Variants in DMTF1 observed in about 807,000 individuals in gnomAD.
DMTF1 encodes the protein cyclin-D-binding Myb-like transcription factor 1.
DMTF1 carries 39 observed loss-of-function variants against 91.1 expected under a neutral mutation model. The ratio of observed to expected loss-of-function variants is 0.43; its 90% CI spans 0.33 to 0.56. DMTF1 has a LOEUF of 0.56. DMTF1 is among the 20% of genes least tolerant of loss of function. The pLI is 0.05. For synonymous variants in DMTF1, 338 were observed against 309.5 expected (o/e 1.09, Z -0.97); for missense variants, 750 against 914.5 (o/e 0.82, Z 2.32).
At chr7:87,156,122 T>C (rs1177697724) in intron 1 of DMTF1, among the ~76,000 whole-genome samples, 1 of 152,190 alleles carries the variant, frequency 6.6e-6, no homozygotes, top group Non-Finnish European at 1.5e-5. Context: ...AGAAAAGTAC[T>C]CAGTTTTGAA....
At chr7:87,162,110 T>C (rs1302873138) in intron 1 of DMTF1, among the ~76,000 whole-genome samples, 1 of 152,208 alleles carries the variant, frequency 6.6e-6, no homozygotes. Context: ...TATTTTTTGC[T>C]TTTCTATTTT....
intron 11 of DMTF1, among the ~76,000 whole-genome samples, chr7:87,185,304 A>AT (rs1162144695): frequency 6.6e-6 from 1 of 152,048 alleles, no homozygotes; most frequent in Non-Finnish European, 1.5e-5. Flanking sequence ...AAACGAACAG[A>AT]TTTTTTTAAA....
chr7:87,176,744 A>T (rs574388722), intron 7 of DMTF1, among the ~76,000 whole-genome samples: 3 of 152,312 alleles, frequency 2.0e-5, no homozygotes, highest in South Asian at 4.1e-4. Flanking sequence ...CCAAAAGATT[A>T]TTTTGGAAAA....
At chr7:87,170,488 C>T (rs1366386351) in intron 4 of DMTF1, among the ~76,000 whole-genome samples, 4 of 152,208 alleles carry the variant, frequency 2.6e-5, no homozygotes, top group Non-Finnish European at 5.9e-5. Flanking sequence ...TTGCTATTCT[C>T]GTGAACACTC....
intron 2 of DMTF1, among the ~76,000 whole-genome samples, chr7:87,164,036 C>T (rs890918447): frequency 1.7e-5 from 1 of 57,470 alleles, no homozygotes; most frequent in Non-Finnish European, 3.2e-5. Flanking sequence ...GCCTGGGCAA[C>T]AATGAAGACG....
At chr7:87,185,746 C>T in intron 11 of DMTF1, 83 bp from the exon 12 acceptor site, 3 of 1,459,880 alleles carry the variant, frequency 2.1e-6, no homozygotes, top group Non-Finnish European at 2.9e-6. Context: ...CTTTATTTGC[C>T]AGTGCAATTA....
intron 9 of DMTF1, chr7:87,181,907 G>C: frequency 4.0e-6 from 3 of 757,888 alleles, no homozygotes; most frequent in Non-Finnish European, 3.9e-6. Context: ...TTGGGTATAT[G>C]CTCAAAAGGG....
intron 15 of DMTF1, 99 bp downstream of exon 15, chr7:87,193,452 T>G: frequency 1.6e-6 from 2 of 1,244,506 alleles, no homozygotes; most frequent in Non-Finnish European, 1.1e-6. Flanking sequence ...CAGTTCTTCC[T>G]ACTGCTGCTG....
intron 1 of DMTF1, chr7:87,154,254 T>G (rs1295402040): frequency 6.6e-6 from 1 of 152,248 alleles, no homozygotes; most frequent in Non-Finnish European, 1.5e-5. Flanking sequence ...CCTGATTGTA[T>G]CTGGAAAAAA....
intron 11 of DMTF1, chr7:87,185,010 C>A: frequency 2.5e-6 from 1 of 394,554 alleles, no homozygotes. Context: ...GCCCTTCAAT[C>A]CTTGGCTACT....
At chr7:87,155,384 A>G (rs973092472) in intron 1 of DMTF1, 2 of 151,938 alleles carry the variant, frequency 1.3e-5, no homozygotes, top group African/African-American at 4.8e-5. Context: ...TTTTCTTACC[A>G]CCATCATATT....
At chr7:87,160,946 A>C (rs924234738) in intron 1 of DMTF1, among the ~76,000 whole-genome samples, 1 of 152,130 alleles carries the variant, frequency 6.6e-6, no homozygotes, top group East Asian at 1.9e-4. Flanking sequence ...TATGCCAGTA[A>C]GATTTATAGG....
intron 7 of DMTF1, among the ~76,000 whole-genome samples, chr7:87,175,019 TTTTTG>T (rs1192611207): frequency 6.6e-6 from 1 of 150,614 alleles, no homozygotes; most frequent in Admixed American, 6.6e-5. Context: ...TTTTGTTTTG[TTTTTG>T]TTTTTTTTTT....
chr7:87,194,012 T>C lies in DMTF1; in HGVS notation c.1938T>C (p.Ser646=), dbSNP rs761918361. 1.5e-5 allele frequency: 25 copies of C among 1,613,308 alleles called. No homozygotes were observed. Among genetic ancestry groups the C allele is most frequent in the Non-Finnish European group, 2.1e-5 (25 of 1,179,554 alleles). The change falls in exon 16 of 18, where the codon AGT becomes AGC. Residue 646 remains serine (S), a synonymous_variant. Coordinates refer to ENST00000331242, the MANE Select transcript of DMTF1 (RefSeq NM_001142327.2). ...SDQNSTELMN[S]VMVRTEEEIS... is the part of the protein sequence containing the mutation. ...AAAATAGCACAGAACTGATGAATAG[T>C]GTTATGGTCAGAACAGAAGAAGAAA...
intron 1 of DMTF1, among the ~76,000 whole-genome samples, chr7:87,161,457 G>C (rs554217856): frequency 4.6e-5 from 7 of 152,180 alleles, no homozygotes; most frequent in Non-Finnish European, 7.3e-5. Flanking sequence ...AGCCAAGATC[G>C]TGCCACTGCA....
At chr7:87,167,804 T>C (rs896535835) in intron 4 of DMTF1, among the ~76,000 whole-genome samples, 1 of 152,232 alleles carries the variant, frequency 6.6e-6, no homozygotes, top group Admixed American at 6.5e-5. Context: ...ACTATCATTA[T>C]GTTGTGATTC....
chr7:87,184,327 TA>T, intron 10 of DMTF1, 69 bp from the exon 11 acceptor site: 1 of 1,426,268 alleles, frequency 7.0e-7, no homozygotes, highest in Non-Finnish European at 9.7e-7. Flanking sequence ...TCAGTCCTTG[TA>T]AATAGAGGGC....
rs1796930845 is a variant in DMTF1, at chr7:87,179,640, G to A, written c.615G>A (p.Arg205=). 2 of 1,581,530 alleles carry A rather than the reference G, an allele frequency of 1.3e-6. No homozygotes were observed. The highest frequency in any genetic ancestry group is 1.9e-5 in the Admixed American group (1 of 52,560). Reference sequence around the variant, plus strand: ...GGACTATAGCATGGGGTCTGAACCGGCCTTTGTTTGCAGTTTATAGAAGAG... The same window carrying A: ...GGACTATAGCATGGGGTCTGAACCGACCTTTGTTTGCAGTTTATAGAAGAG... ...FYRTIAWGLN[R]PLFAVYRRVL... is the part of the protein sequence containing the mutation. The change falls in exon 8 of 18, where the codon CGG becomes CGA. Residue 205 remains arginine, a synonymous_variant. Coordinates refer to ENST00000331242, the MANE Select transcript of DMTF1 (RefSeq NM_001142327.2).
chr7:87,167,289 A>G (rs776495083), intron 4 of DMTF1, among the ~76,000 whole-genome samples: 1 of 152,164 alleles, frequency 6.6e-6, no homozygotes, highest in African/African-American at 2.4e-5. Flanking sequence ...ACTGGCTTCT[A>G]TAGGAGGTAC....
Sources: gnomAD v4.1 joint callset for allele counts (sites outside exome capture counted in the v4.1 genomes callset) on GRCh38, gnomAD v4.1.1 for gene constraint, MANE v1.5 for transcripts, NCBI Gene and HGNC (gene_info 2026-07-23, HGNC 2026-07-21) for gene names.